IGSF21: variants seen among roughly 807,000 people sequenced by gnomAD.
The protein encoded by IGSF21 is immunoglobin superfamily member 21.
A neutral mutation model predicts 46.8 loss-of-function variants in IGSF21; 28 were observed. That is an observed-to-expected ratio of 0.60 (90% CI 0.44 to 0.82). The LOEUF (loss-of-function observed/expected upper bound fraction) is 0.82, where lower values mean the gene tolerates loss of function less well. Ranked by LOEUF, IGSF21 falls within the 40% of genes least tolerant of loss-of-function variation. IGSF21 has a pLI of 0.00. For synonymous variants in IGSF21, 284 were observed against 273.6 expected (o/e 1.04, Z -0.38); for missense variants, 624 against 665.5 (o/e 0.94, Z 0.69).
At chr1:18,359,070 C>T (rs946348492) in intron 4 of IGSF21, among the ~76,000 whole-genome samples, 14 of 151,942 alleles carry the variant, frequency 9.2e-5, no homozygotes, top group African/African-American at 3.1e-4. Context: ...TCAAGACCAG[C>T]TTGGACAATA....
At chr1:18,317,945 G>A (rs1168400784) in intron 3 of IGSF21, among the ~76,000 whole-genome samples, 1 of 152,232 alleles carries the variant, frequency 6.6e-6, no homozygotes, top group East Asian at 1.9e-4. Context: ...CACGCAGCGA[G>A]TCAGGATTCA....
chr1:18,368,502 C>T lies in IGSF21; in HGVS notation c.1015+2805C>T, dbSNP rs181079188. ...CTCCAGCCTAGGTGATAGAGTGAGA[C>T]TTCATCTCAAAAAGAAAAAAAAAAA... On this transcript the variant is annotated intron_variant, in intron 6 of 9. Coordinates refer to ENST00000251296, the MANE Select transcript of IGSF21 (RefSeq NM_032880.5). Among the ~76,000 whole-genome samples the T allele has an allele frequency of 4.8e-3, 583 of 120,470 alleles. 15 individuals are homozygous for T. In the Admixed American group the frequency reaches 0.052, roughly 11 times the overall value. 79.0% of individuals were successfully genotyped at this position (120,470 alleles called of 152,430 possible).
intron 1 of IGSF21, among the ~76,000 whole-genome samples, chr1:18,142,157 G>T (rs1042533099): frequency 5.3e-5 from 8 of 152,186 alleles, no homozygotes; most frequent in Non-Finnish European, 1.0e-4. Context: ...GGTGAGGAGA[G>T]AAGGTGAGAA....
chr1:18,365,466 A>T lies in IGSF21; in HGVS notation c.784A>T (p.Thr262Ser), dbSNP rs763989556. The T allele has an allele frequency of 1.9e-6, 3 of 1,613,818 alleles. No individual in the cohort carries two copies. The highest frequency in any genetic ancestry group is 2.5e-6 in the Non-Finnish European group (3 of 1,179,962). The change falls in exon 6 of 10, where the codon ACA (threonine) becomes TCA (serine). Residue 262 changes from threonine (T) to serine (S), a missense_variant. Physicochemically the swap from Thr to Ser is moderately conservative, Grantham distance 58. Coordinates refer to ENST00000251296, the MANE Select transcript of IGSF21 (RefSeq NM_032880.5). The surrounding 1 kb of genome is among the most constrained non-coding windows in gnomAD (Gnocchi z 4.8). ...TCCCAACATCCTCCTCCAGCCAACC[A>T]CAGAGAACATACCAGAGACGGTCGT... ...PDPNILLQPT[T>S]ENIPETVVSR...
chr1:18,282,188 C>T (rs142073458), intron 2 of IGSF21, among the ~76,000 whole-genome samples: 444 of 148,782 alleles, frequency 3.0e-3, no homozygotes, highest in Middle Eastern at 7.0e-3. Flanking sequence ...ACTGTGTATC[C>T]GGTTGTGGTT....
At chr1:18,167,517 A>AGT (rs1000637565) in intron 1 of IGSF21, among the ~76,000 whole-genome samples, 3 of 152,088 alleles carry the variant, frequency 2.0e-5, no homozygotes, top group African/African-American at 7.2e-5. Context: ...TGGTGACCCC[A>AGT]GTGAAAGTGA....
At chr1:18,297,761 G>C (rs929190974) in intron 3 of IGSF21, among the ~76,000 whole-genome samples, 2 of 152,056 alleles carry the variant, frequency 1.3e-5, no homozygotes, top group South Asian at 4.2e-4. Context: ...TAAATGCTAG[G>C]TAAATCATTG....
In IGSF21 at chr1:18,108,154, GCTGCGTCTGC is replaced by G; in HGVS notation, c.31_40del (p.Val11CysfsTer13). 1 of 1,443,132 alleles carries G rather than the reference GCTGCGTCTGC, an allele frequency of 6.9e-7. No homozygotes were observed. Among genetic ancestry groups the G allele is most frequent in the East Asian group, 3.1e-5 (1 of 32,300 alleles). The allele number at this position is 1,443,132 out of a possible 1,614,324, so 89.4% of individuals were successfully genotyped here. A position where few individuals can be genotyped will look rare whatever the true frequency, so the allele number is the denominator to read the frequency against. ...ATGCGAACCGCCCCGAGCCTCCGCC[GCTGCGTCTGC>G]CTGCTGCTCGCCGCGATCCTGGACC... is the stretch of plus-strand genomic sequence containing the variant. On this transcript the variant is annotated frameshift_variant, in exon 1 of 10. Coordinates refer to ENST00000251296, the MANE Select transcript of IGSF21 (RefSeq NM_032880.5). LOFTEE classifies it high-confidence loss of function.
At chr1:18,147,350 G>A (rs1005278672) in intron 1 of IGSF21, among the ~76,000 whole-genome samples, 3 of 151,804 alleles carry the variant, frequency 2.0e-5, no homozygotes, top group Admixed American at 6.6e-5. Context: ...ACTCTGGCCC[G>A]CTTGCTTTCT....
chr1:18,250,801 G>C (rs995174164), intron 2 of IGSF21, among the ~76,000 whole-genome samples: 1 of 152,162 alleles, frequency 6.6e-6, no homozygotes, highest in Non-Finnish European at 1.5e-5. Flanking sequence ...TAGGCACCAG[G>C]ATGTAATGGT....
rs1051462571 is a variant in IGSF21 at position 18,292,435 on chromosome 1, G to A, written c.305+448G>A. ...AAGGCCATAAGGGCCCCGAGCTTAA[G>A]AGAGAATGACCCCAAGCAACTGGAC... On this transcript the variant is annotated intron_variant, in intron 3 of 9. Transcript: ENST00000251296. Among the ~76,000 whole-genome samples, 3 of 152,322 alleles carry A rather than the reference G, an allele frequency of 2.0e-5. No homozygotes were observed. The South Asian group carries it at 6.2e-4, about 32-fold the overall frequency.
chr1:18,150,449 A>C (rs1372915020), intron 1 of IGSF21, among the ~76,000 whole-genome samples: 3 of 152,020 alleles, frequency 2.0e-5, no homozygotes, highest in Non-Finnish European at 4.4e-5. Flanking sequence ...TATAGGTTTT[A>C]ACTGAGTTCC....
chr1:18,202,984 G>T (rs980172854), intron 1 of IGSF21, among the ~76,000 whole-genome samples: 1 of 152,140 alleles, frequency 6.6e-6, no homozygotes, highest in Non-Finnish European at 1.5e-5. Context: ...GACACCATTC[G>T]TGACACTCTA....
intron 1 of IGSF21, among the ~76,000 whole-genome samples, chr1:18,182,112 GCTTTCCTTC>G (rs2086862774): frequency 2.0e-5 from 3 of 150,834 alleles, no homozygotes; most frequent in Admixed American, 1.3e-4. Context: ...AGCAGACCAA[GCTTTCCTTC>G]CTTTCCTTCC....
intron 1 of IGSF21, among the ~76,000 whole-genome samples, chr1:18,173,988 G>C (rs1261677180): frequency 6.6e-6 from 1 of 152,104 alleles, no homozygotes; most frequent in African/African-American, 2.4e-5. Context: ...TCCTGACCTC[G>C]GGTGATTTGC....
At chr1:18,259,944 C>T (rs1385003764) in intron 2 of IGSF21, among the ~76,000 whole-genome samples, 2 of 152,186 alleles carry the variant, frequency 1.3e-5, no homozygotes, top group Non-Finnish European at 2.9e-5. Flanking sequence ...GGTTAAAACT[C>T]CAGCTCTGTA....
At chr1:18,330,565 G>A (rs1315738326) in intron 3 of IGSF21, among the ~76,000 whole-genome samples, 3 of 145,466 alleles carry the variant, frequency 2.1e-5, no homozygotes, top group East Asian at 2.0e-4. Context: ...GGGCAGGGGC[G>A]TGGGAGAAGG....
intron 2 of IGSF21, among the ~76,000 whole-genome samples, chr1:18,233,665 A>G (rs939227553): frequency 4.6e-5 from 7 of 152,176 alleles, no homozygotes; most frequent in African/African-American, 1.7e-4. Flanking sequence ...CAGGATCTAG[A>G]GAGGGAAATT....
rs992745313 is a variant in IGSF21, at chr1:18,322,601, C to G, written c.306-12291C>G. 2.0e-5 allele frequency among the ~76,000 whole-genome samples: 3 copies of G among 152,204 alleles called. No homozygotes were observed. The highest frequency in any genetic ancestry group is 6.5e-5 in the Admixed American group (1 of 15,284). ...AACCACCTGGCTCCTGGTTCCCCAC[C>G]ACACGGAGTCTTTTTCTGAAGAGCA... is the stretch of plus-strand genomic sequence containing the variant. On this transcript the variant is annotated intron_variant, in intron 3 of 9. Transcript: ENST00000251296. The surrounding 1 kb of genome is among the most constrained non-coding windows in gnomAD (Gnocchi z 4.3).
Sources: gnomAD v4.1 joint callset for allele counts (sites outside exome capture counted in the v4.1 genomes callset) on GRCh38, gnomAD v4.1.1 for gene constraint, Gnocchi (gnomAD v3.1) non-coding constraint, MANE v1.5 for transcripts, NCBI Gene and HGNC (gene_info 2026-07-23, HGNC 2026-07-21) for gene names.